HLCS: variants seen among roughly 807,000 people sequenced by gnomAD.
HLCS encodes biotin--protein ligase.
Under a neutral mutation model 75.0 loss-of-function variants are expected in HLCS, and 53 were observed. The observed-to-expected ratio is 0.71, with a 90% confidence interval of 0.57 to 0.89. The LOEUF (loss-of-function observed/expected upper bound fraction) is 0.89. Among genes scored for constraint, HLCS ranks in the 40% least tolerant of loss-of-function variants. The pLI is 0.00. For missense variants in HLCS, 966 were observed against 1,074.0 expected, an observed-to-expected ratio of 0.90 and a Z score of 1.41; for synonymous variants, 431 against 428.6, an observed-to-expected ratio of 1.01 and a Z score of -0.07.
chr21:36,809,027 C>T (rs2061435390), intron 6 of HLCS, among the ~76,000 whole-genome samples: 1 of 151,970 alleles, frequency 6.6e-6, no homozygotes, highest in South Asian at 2.1e-4. Context: ...TAGCTTGGAC[C>T]ACATGGTGAG....
intron 5 of HLCS, among the ~76,000 whole-genome samples, chr21:36,928,141 C>T (rs2066485943): frequency 6.6e-6 from 1 of 152,212 alleles, no homozygotes; most frequent in African/African-American, 2.4e-5. Flanking sequence ...AAGACCACCT[C>T]AGGCAGTGCA....
chr21:36,829,310 CCT>C (rs902787743), intron 6 of HLCS, among the ~76,000 whole-genome samples: 8 of 152,308 alleles, frequency 5.3e-5, no homozygotes, highest in South Asian at 2.1e-4. Flanking sequence ...TCCCCGCCCA[CCT>C]CTGTCACCCT....
chr21:36,983,548 A>AT lies in HLCS; in HGVS notation c.-393+6609dup, dbSNP rs1473773127. 1.1e-4 allele frequency among the ~76,000 whole-genome samples: 16 copies of AT among 151,608 alleles called. No homozygotes were observed. The East Asian group carries it at 2.8e-3, about 26-fold the overall frequency. On this transcript the variant is annotated intron_variant, in intron 1 of 11. Transcript: ENST00000336648. ...AATAGCAACAATCCTTATAAAAATG[A>AT]TTTTTTTGGCCGGGCGCAGTGGCTC...
intron 8 of HLCS, among the ~76,000 whole-genome samples, chr21:36,761,435 CAAA>C (rs1183895519): frequency 6.6e-6 from 1 of 151,984 alleles, no homozygotes; most frequent in African/African-American, 2.4e-5. Context: ...CACAGGAGAA[CAAA>C]AAGTCTAAGT....
chr21:36,863,842 G>A lies in HLCS; in HGVS notation c.1892+33018C>T, dbSNP rs2063464868. On this transcript the variant is annotated intron_variant, in intron 6 of 10. Coordinates refer to ENST00000674895, the MANE Select transcript of HLCS (RefSeq NM_001352514.2). ...GAAATGCTCTGATGCTGTGGTGTTG[G>A]AACTCAGCTATGTTGCCACAAAGTA... Among the ~76,000 whole-genome samples the A allele has an allele frequency of 8.0e-5, 3 of 37,600 alleles. No homozygotes were observed. In the South Asian group the frequency reaches 5.0e-3, roughly 62 times the overall value. 24.7% of individuals were successfully genotyped at this position (37,600 alleles called of 152,430 possible). A position where few individuals can be genotyped will look rare whatever the true frequency, so the allele number is the denominator to read the frequency against.
intron 5 of HLCS, among the ~76,000 whole-genome samples, chr21:36,914,036 G>C (rs762343909): frequency 5.3e-5 from 8 of 152,238 alleles, no homozygotes; most frequent in Non-Finnish European, 1.0e-4. Flanking sequence ...GAAGGAGCAA[G>C]AGGGGGAGCT....
chr21:36,923,520 G>A (rs1464000801), intron 5 of HLCS, among the ~76,000 whole-genome samples: 2 of 152,160 alleles, frequency 1.3e-5, no homozygotes, highest in Non-Finnish European at 2.9e-5. Flanking sequence ...AGCAAAGACC[G>A]CAACGCACAG....
chr21:36,821,342 G>GA (rs2061835443), intron 6 of HLCS, among the ~76,000 whole-genome samples: 1 of 152,084 alleles, frequency 6.6e-6, no homozygotes, highest in Admixed American at 6.5e-5. Context: ...AGGAAGAACA[G>GA]AAAAAACAAG....
intron 5 of HLCS, among the ~76,000 whole-genome samples, chr21:36,910,521 G>C (rs1048663028): frequency 6.6e-6 from 1 of 151,226 alleles, no homozygotes; most frequent in African/African-American, 2.4e-5. Flanking sequence ...ACTCCAGCAT[G>C]GGGGACAGGG....
At chr21:36,920,226 T>A (rs1454154333) in intron 5 of HLCS, among the ~76,000 whole-genome samples, 1 of 151,182 alleles carries the variant, frequency 6.6e-6, no homozygotes, top group African/African-American at 2.4e-5. Context: ...CCCCGCTGCT[T>A]GGGAGGCTGA....
chr21:36,831,434 C>CT (rs2062206307), intron 6 of HLCS, among the ~76,000 whole-genome samples: 1 of 152,168 alleles, frequency 6.6e-6, no homozygotes, highest in Non-Finnish European at 1.5e-5. Context: ...AATCTCAGCA[C>CT]TTTGGGAGGG....
In HLCS at chr21:36,753,119, A is replaced by AT. The variant is rs2089431143; in HGVS notation, c.*1126dup. 2 of 152,788 alleles carry AT rather than the reference A, an allele frequency of 1.3e-5. No homozygotes were observed. Among genetic ancestry groups the AT allele is most frequent in the Non-Finnish European group, 2.9e-5 (2 of 68,038 alleles). The allele number at this position is 152,788 out of a possible 1,614,324, so 9.5% of individuals were successfully genotyped here. On this transcript the variant is annotated 3_prime_UTR_variant, in exon 11 of 11. Transcript: ENST00000674895. The surrounding 1 kb of genome is among the most constrained non-coding windows in gnomAD (Gnocchi z 4.3). ...TTTCATGAGGCTTGTAGCACATCAA[A>AT]TTTTGAATGTCTTCTTTTAAAGCTA...
At chr21:36,880,237 A>G (rs1411401528) in intron 6 of HLCS, among the ~76,000 whole-genome samples, 1 of 152,226 alleles carries the variant, frequency 6.6e-6, no homozygotes, top group East Asian at 1.9e-4. Context: ...ACTGCCTGGA[A>G]CAAAGGTTCC....
At chr21:36,773,979 T>G (rs533210320) in intron 6 of HLCS, among the ~76,000 whole-genome samples, 1 of 152,356 alleles carries the variant, frequency 6.6e-6, no homozygotes, top group East Asian at 1.9e-4. Context: ...AAAGTCACAC[T>G]TTAACAATAC....
At chr21:36,891,138 C>A (rs1363644147) in intron 6 of HLCS, among the ~76,000 whole-genome samples, 3 of 152,228 alleles carry the variant, frequency 2.0e-5, no homozygotes, top group Non-Finnish European at 1.5e-5. Context: ...CCATGTGCAA[C>A]TTCTGTCCCT....
At chr21:36,953,568 A>T (rs1038071400) in intron 2 of HLCS, among the ~76,000 whole-genome samples, 11 of 152,224 alleles carry the variant, frequency 7.2e-5, no homozygotes, top group African/African-American at 2.7e-4. Flanking sequence ...TGTATCCTAC[A>T]TAATATAGTA....
At chr21:36,933,282 G>A (rs1042032886) in intron 4 of HLCS, among the ~76,000 whole-genome samples, 3 of 152,148 alleles carry the variant, frequency 2.0e-5, no homozygotes, top group African/African-American at 7.2e-5. Context: ...CAGCCCTGGA[G>A]AGGGGAAGAG....
Position 36,857,256 on chromosome 21 carries a change from C to T in HLCS, c.1892+39604G>A, listed in dbSNP as rs1239161190. On this transcript the variant is annotated intron_variant, in intron 6 of 10. Transcript: ENST00000674895. ...TCCAGTTCCAGGTCAGTTGCTTCAG[C>T]GATATTCCCAAAGGAGAACATGAAC... Among the ~76,000 whole-genome samples, 9 of 152,164 alleles carry T rather than the reference C, an allele frequency of 5.9e-5. No homozygotes were observed. In the South Asian group the frequency reaches 6.2e-4, roughly 11 times the overall value.
chr21:36,920,295 T>C (rs1222028982), intron 5 of HLCS, among the ~76,000 whole-genome samples: 1 of 147,988 alleles, frequency 6.8e-6, no homozygotes, highest in Non-Finnish European at 1.5e-5. Flanking sequence ...ATCATGCCAC[T>C]GCACTCCAAC....
Sources: allele counts gnomAD v4.1 joint callset (sites outside exome capture counted in the v4.1 genomes callset), GRCh38; gene constraint gnomAD v4.1.1; non-coding constraint Gnocchi (gnomAD v3.1); transcripts MANE v1.5; gene names NCBI Gene and HGNC (gene_info 2026-07-23, HGNC 2026-07-21).